TEF: variants seen among roughly 807,000 people sequenced by gnomAD.
TEF encodes thyrotroph embryonic factor.
TEF carries 3 observed loss-of-function variants against 20.8 expected under a neutral mutation model. The ratio of observed to expected loss-of-function variants is 0.14; its 90% confidence interval spans 0.07 to 0.37. The LOEUF (loss-of-function observed/expected upper bound fraction) is 0.37. TEF is among the 10% of genes least tolerant of loss of function. The pLI is 1.00. For missense variants in TEF, 296 were observed against 397.9 expected, an observed-to-expected ratio of 0.74 and a Z score of 2.18; for synonymous variants, 180 against 171.1, an observed-to-expected ratio of 1.05 and a Z score of -0.41.
upstream of TEF, among the ~76,000 whole-genome samples, chr22:41,379,474 T>C (rs373130637): frequency 2.6e-5 from 4 of 151,990 alleles, no homozygotes; most frequent in South Asian, 6.2e-4. Context: ...GCCATTGCAC[T>C]CCAGCCTGGG....
chr22:41,386,700 G>A (rs1048394659), intron 1 of TEF, among the ~76,000 whole-genome samples: 5 of 152,038 alleles, frequency 3.3e-5, no homozygotes, highest in South Asian at 2.1e-4. Flanking sequence ...CCAAGATTGC[G>A]CCATTGTAAG....
Position 41,394,194 on chromosome 22 carries a change from C to T in TEF, c.574C>T (p.Leu192Phe), listed in dbSNP as rs2145991893. The T allele has an allele frequency of 6.2e-7, 1 of 1,614,158 alleles. No homozygotes were observed. Among genetic ancestry groups the T allele is most frequent in the East Asian group, 2.2e-5 (1 of 44,886 alleles). ...CAATCCGGACCCCGCCGACCTGGTG[C>T]TCTCCAGTGTGCCAGGCGGGGAGCT... ...NFNPDPADLVLSSVPGGELFN... is the reference protein window; with the variant it reads ...NFNPDPADLVFSSVPGGELFN... Residue 192 changes from leucine to phenylalanine, a missense_variant, in exon 3 of 4, where the codon CTC becomes TTC. This residue lies in a region of TEF where 194 missense variants were observed against 317.8 expected (regional missense o/e 0.61). Transcript: ENST00000266304.
intron 1 of TEF, among the ~76,000 whole-genome samples, chr22:41,385,708 G>A (rs2037090258): frequency 6.6e-6 from 1 of 151,888 alleles, no homozygotes; most frequent in Non-Finnish European, 1.5e-5. Context: ...TTGTGACGGA[G>A]TTTCACTCTT....
chr22:41,390,579 G>A (rs1049654939), intron 2 of TEF, among the ~76,000 whole-genome samples: 1 of 127,438 alleles, frequency 7.8e-6, no homozygotes, highest in Non-Finnish European at 1.6e-5. Flanking sequence ...CTCGGCTCCC[G>A]CAACCTCCGC....
chr22:41,381,120 C>T (rs1229397775), upstream of TEF, among the ~76,000 whole-genome samples: 4 of 152,324 alleles, frequency 2.6e-5, no homozygotes, highest in East Asian at 7.7e-4. Flanking sequence ...GGCAACCCGA[C>T]ACCCCGCTCT....
chr22:41,373,183 C>G (rs2145962833), intron 1 of TEF, among the ~76,000 whole-genome samples: 1 of 152,294 alleles, frequency 6.6e-6, no homozygotes, highest in East Asian at 1.9e-4. Flanking sequence ...CGAGCACATG[C>G]TATAGGCCAG....
chr22:41,391,771 T>A (rs1286887482), intron 2 of TEF, among the ~76,000 whole-genome samples: 1 of 152,066 alleles, frequency 6.6e-6, no homozygotes, highest in East Asian at 1.9e-4. Context: ...TACAGGCGCA[T>A]GCCATCACGC....
upstream of TEF, among the ~76,000 whole-genome samples, chr22:41,377,714 CGT>C (rs369716716): frequency 1.4e-3 from 206 of 152,298 alleles, 2 homozygotes; most frequent in Middle Eastern, 0.021. Context: ...CGATAGAGAA[CGT>C]GTTTGCAACG....
At position 41,395,220 on chromosome 22, in the gene TEF, G is replaced by A. The variant is rs997392276; in HGVS notation, c.697-525G>A. 4.6e-5 allele frequency among the ~76,000 whole-genome samples: 7 copies of A among 152,122 alleles called. No homozygotes were observed. In the South Asian group the frequency reaches 1.4e-3, roughly 31 times the overall value. On this transcript the variant is annotated intron_variant, in intron 3 of 3. Transcript: ENST00000266304. ...GGGGTTTCATCATATTGGCCAGGCTGGTCTTAAACTCCTCACCTCAAGTGA... is the reference window on the plus strand; with the variant it reads ...GGGGTTTCATCATATTGGCCAGGCTAGTCTTAAACTCCTCACCTCAAGTGA...
At position 41,398,087 on chromosome 22, in the gene TEF, G is replaced by A. The variant is rs2037251510; in HGVS notation, c.*2127G>A. 1 of 152,146 alleles carries A rather than the reference G, an allele frequency of 6.6e-6. No individual in the cohort carries two copies. Among genetic ancestry groups the A allele is most frequent in the South Asian group, 2.1e-4 (1 of 4,824 alleles). 9.4% of individuals were successfully genotyped at this position (152,146 alleles called of 1,614,324 possible). On this transcript the variant is annotated 3_prime_UTR_variant, in exon 4 of 4. Coordinates refer to ENST00000266304, the MANE Select transcript of TEF (RefSeq NM_003216.4). ...GGGTTCTTTCCCAAAGTGCTTACTT[G>A]GAAAGAGTGTGGCTGCTGGACTCTT...
chr22:41,367,608 A>G (rs1235489537), intron 1 of TEF: 4 of 1,550,946 alleles, frequency 2.6e-6, no homozygotes, highest in Non-Finnish European at 3.5e-6. Flanking sequence ...AGGTAGGAGC[A>G]CAGGTGACCT....
upstream of TEF, among the ~76,000 whole-genome samples, chr22:41,378,988 G>T (rs1053081854): frequency 1.3e-5 from 2 of 152,216 alleles, no homozygotes; most frequent in Non-Finnish European, 2.9e-5. Flanking sequence ...GTAAAATTAT[G>T]AAAACTAAAT....
intron 1 of TEF, among the ~76,000 whole-genome samples, chr22:41,376,076 A>G (rs1050264185): frequency 7.9e-5 from 12 of 152,184 alleles, no homozygotes; most frequent in African/African-American, 2.7e-4. Flanking sequence ...ATATATGGCC[A>G]AAGAGATCAT....
chr22:41,369,307 C>T (rs1288806180), intron 1 of TEF: 25 of 947,514 alleles, frequency 2.6e-5, no homozygotes, highest in Admixed American at 6.2e-5. Flanking sequence ...CATAGGGGAC[C>T]GCCCAAGGTT....
rs998938652 is a variant in TEF, at chr22:41,385,362, T to TA, written c.158-1977dup. On this transcript the variant is annotated intron_variant, in intron 1 of 3. Transcript: ENST00000266304. ...GCAACAAGAGCGAAACTCCTTCTCATAAAAAAAAAAAAGTTATTTCTAATC... is the reference window on the plus strand; with the variant it reads ...GCAACAAGAGCGAAACTCCTTCTCATAAAAAAAAAAAAAGTTATTTCTAATC... Among the ~76,000 whole-genome samples the TA allele has an allele frequency of 2.7e-3, 394 of 144,550 alleles. 1 individual carries two copies. The highest frequency in any genetic ancestry group is 7.2e-3 in the African/African-American group (285 of 39,656). The allele number at this position is 144,550 out of a possible 152,430, so 94.8% of individuals were successfully genotyped here.
At position 41,396,678 on chromosome 22, in the gene TEF, A is replaced by AG; in HGVS notation, c.*720dup. 2.8e-6 allele frequency: 1 copy of AG among 352,956 alleles called. No individual in the cohort carries two copies. The highest frequency in any genetic ancestry group is 5.1e-6 in the Non-Finnish European group (1 of 197,632). The allele number at this position is 352,956 out of a possible 1,614,324, so 21.9% of individuals were successfully genotyped here. A position where few individuals can be genotyped will look rare whatever the true frequency, so the allele number is the denominator to read the frequency against. On this transcript the variant is annotated 3_prime_UTR_variant, in exon 4 of 4. Transcript: ENST00000266304. ...CATTGGCTGTGGAGGAGAGACTCCT[A>AG]GGATGGCTGCTGTCTGAGCCATGAG... is the stretch of plus-strand genomic sequence containing the variant.
At chr22:41,369,787 A>C (rs2036859724) in intron 1 of TEF, 2 of 485,598 alleles carry the variant, frequency 4.1e-6, no homozygotes, top group South Asian at 1.8e-4. Context: ...TGAATTGGAG[A>C]AAGACAACAG....
At chr22:41,380,526 C>T (rs148270487), upstream of TEF, among the ~76,000 whole-genome samples, 3 of 152,280 alleles carry the variant, frequency 2.0e-5, no homozygotes, top group East Asian at 5.8e-4. Context: ...TGCATCTACC[C>T]CCTGAACCAA....
At chr22:41,368,866 C>G (rs944347030) in intron 1 of TEF, among the ~76,000 whole-genome samples, 1 of 152,304 alleles carries the variant, frequency 6.6e-6, no homozygotes, top group Admixed American at 6.5e-5. Context: ...ACCTCCTCAG[C>G]GAAGCCCTCT....
Sources: allele counts gnomAD v4.1 joint callset (sites outside exome capture counted in the v4.1 genomes callset), GRCh38; gene constraint gnomAD v4.1.1; regional missense constraint gnomAD v4.1.1; transcripts MANE v1.5; gene names NCBI Gene and HGNC (gene_info 2026-07-23, HGNC 2026-07-21).